The following FBXW8 variants were observed in gnomAD, a reference collection of about 807,000 sequenced individuals.
FBXW8 encodes F-box and WD repeat domain containing 8.
A neutral mutation model predicts 65.3 loss-of-function variants in FBXW8; 57 were observed. The observed-to-expected ratio is 0.87, with a 90% CI of 0.71 to 1.09. The LOEUF is 1.09. Among genes scored for constraint, FBXW8 ranks in the 50% least tolerant of loss-of-function variants. The pLI is 0.00. For missense variants in FBXW8, 777 were observed against 814.8 expected (o/e 0.95, Z 0.57); for synonymous variants, 308 against 330.2 (o/e 0.93, Z 0.73).
chr12:117,011,646 A>G (rs907511140), intron 8 of FBXW8, among the ~76,000 whole-genome samples: 2 of 152,110 alleles, frequency 1.3e-5, no homozygotes, highest in Non-Finnish European at 2.9e-5. Flanking sequence ...TGAGCTATAC[A>G]GAGGCTCCAA....
At position 116,949,699 on chromosome 12, in the gene FBXW8, A is replaced by G. The variant is rs760910615; in HGVS notation, c.670A>G (p.Ile224Val). 26 of 1,614,040 alleles carry G rather than the reference A, an allele frequency of 1.6e-5. No individual in the cohort carries two copies. Among genetic ancestry groups the G allele is most frequent in the Non-Finnish European group, 2.1e-5 (25 of 1,180,016 alleles). The stretch of plus-strand genomic sequence containing the variant: ...TGTGCATTCTCACGATGGTGTGGTC[A>G]TTGCGGGGTAAGCCAAACCGTTTCC... Reference protein sequence around the residue: ...CDVHSHDGVVIAGYTSGDVRV... With the variant: ...CDVHSHDGVVVAGYTSGDVRV... Residue 224 changes from isoleucine (I) to valine (V), a missense_variant, in exon 4 of 11, where the codon ATT (isoleucine) becomes GTT (valine). Ile to Val is a conservative substitution (Grantham distance 29). Coordinates refer to ENST00000652555, the MANE Select transcript of FBXW8 (RefSeq NM_153348.3).
chr12:116,927,138 C>T (rs1002406707), intron 1 of FBXW8, among the ~76,000 whole-genome samples: 1 of 152,246 alleles, frequency 6.6e-6, no homozygotes, highest in Admixed American at 6.5e-5. Flanking sequence ...CCAAAGTGAG[C>T]TTTGGCAGGT....
chr12:116,976,167 T>C lies in FBXW8; in HGVS notation c.836-9039T>C, dbSNP rs75626515. On this transcript the variant is annotated intron_variant, in intron 5 of 10. Coordinates refer to ENST00000652555, the MANE Select transcript of FBXW8 (RefSeq NM_153348.3). ...ATTAAATAAGACTGGATTTTTCCCA[T>C]AGCAATTTAATGCCATTTAAAAACA... Among the ~76,000 whole-genome samples the C allele has an allele frequency of 5.5e-3, 843 of 152,298 alleles. 5 individuals are homozygous for C. The highest frequency in any genetic ancestry group is 0.019 in the African/African-American group (790 of 41,566).
intron 1 of FBXW8, among the ~76,000 whole-genome samples, chr12:116,913,440 T>C (rs558796101): frequency 6.6e-6 from 1 of 152,228 alleles, no homozygotes; most frequent in Non-Finnish European, 1.5e-5. Flanking sequence ...GCCTTATAGA[T>C]AAGTCAGTTA....
rs886350489 is a variant in FBXW8, at chr12:117,016,577, C to T, written c.1367+6127C>T. 9.3e-5 allele frequency among the ~76,000 whole-genome samples: 14 copies of T among 151,298 alleles called. No homozygotes were observed. In the South Asian group the frequency reaches 1.0e-3, roughly 11 times the overall value. On this transcript the variant is annotated intron_variant, in intron 8 of 10. Coordinates refer to ENST00000652555, the MANE Select transcript of FBXW8 (RefSeq NM_153348.3). The stretch of plus-strand genomic sequence containing the variant: ...TCTCCCATTCTGTGGGTTGTCTTTT[C>T]GCTTTCTACATTGTATTCTTTGAAG...
chr12:116,982,769 G>A (rs1378578185), intron 5 of FBXW8, among the ~76,000 whole-genome samples: 1 of 152,100 alleles, frequency 6.6e-6, no homozygotes, highest in Non-Finnish European at 1.5e-5. Flanking sequence ...TGAAAAATGT[G>A]TTTATAGATA....
At position 117,021,497 on chromosome 12, in the gene FBXW8, TTA is replaced by T. The variant is rs1174751753; in HGVS notation, c.1368-2647_1368-2646del. Among the ~76,000 whole-genome samples, 7 of 152,352 alleles carry T rather than the reference TTA, an allele frequency of 4.6e-5. No homozygotes were observed. The South Asian group carries it at 1.2e-3, about 27-fold the overall frequency. ...AAGGTCTTCCTCCTTTGAATATGTT[TTA>T]TAGTTTATGTTTAACTCTTTGCGCT... On this transcript the variant is annotated intron_variant, in intron 8 of 10. Coordinates refer to ENST00000652555, the MANE Select transcript of FBXW8 (RefSeq NM_153348.3).
At chr12:116,919,781 A>T (rs890141773) in intron 1 of FBXW8, among the ~76,000 whole-genome samples, 1 of 152,224 alleles carries the variant, frequency 6.6e-6, no homozygotes, top group Non-Finnish European at 1.5e-5. Flanking sequence ...CATTCAAAGC[A>T]TCCTTCCAGG....
chr12:116,983,762 A>T (rs2135666256), intron 5 of FBXW8, among the ~76,000 whole-genome samples: 1 of 152,388 alleles, frequency 6.6e-6, no homozygotes, highest in East Asian at 1.9e-4. Flanking sequence ...TAGATTAAAT[A>T]TGTTTTATAA....
intron 1 of FBXW8, 64 bp downstream of exon 1, chr12:116,911,419 C>A (rs1243002851): frequency 1.8e-6 from 2 of 1,139,490 alleles, no homozygotes; most frequent in East Asian, 6.4e-5. Flanking sequence ...GGACAAACCC[C>A]TGCAGTGATT....
chr12:116,958,574 G>A (rs1368929204), intron 4 of FBXW8, among the ~76,000 whole-genome samples: 3 of 152,164 alleles, frequency 2.0e-5, no homozygotes, highest in African/African-American at 7.2e-5. Flanking sequence ...TGGTCATGGC[G>A]AGTTTATAGG....
chr12:117,023,505 C>T (rs1312080782), intron 8 of FBXW8, among the ~76,000 whole-genome samples: 1 of 152,056 alleles, frequency 6.6e-6, no homozygotes, highest in Non-Finnish European at 1.5e-5. Flanking sequence ...AAAAATTCCA[C>T]ATACATAAAA....
At chr12:116,986,625 C>G (rs1360842917) in intron 6 of FBXW8, 1 of 123,986 alleles carries the variant, frequency 8.1e-6, no homozygotes, top group Non-Finnish European at 1.7e-5. Context: ...GACTCCGTCT[C>G]AAAAAAAAAA....
chr12:117,007,868 TCG>T (rs1211747828), intron 7 of FBXW8, among the ~76,000 whole-genome samples: 2 of 152,142 alleles, frequency 1.3e-5, no homozygotes, highest in Admixed American at 1.3e-4. Flanking sequence ...GTTAAGGGAC[TCG>T]TAACGTGGAA....
intron 5 of FBXW8, among the ~76,000 whole-genome samples, chr12:116,982,623 ATTTTT>A (rs11288865): frequency 7.0e-6 from 1 of 143,474 alleles, no homozygotes; most frequent in Admixed American, 6.9e-5. Flanking sequence ...GGAGCCCTGG[ATTTTT>A]TTTTTTTTTT....
At chr12:116,918,408 G>A (rs1274513104) in intron 1 of FBXW8, among the ~76,000 whole-genome samples, 1 of 152,102 alleles carries the variant, frequency 6.6e-6, no homozygotes, top group African/African-American at 2.4e-5. Context: ...AACCCAAACT[G>A]GAATCTATTG....
chr12:117,018,377 A>G (rs1238742201), intron 8 of FBXW8, among the ~76,000 whole-genome samples: 1 of 152,216 alleles, frequency 6.6e-6, no homozygotes, highest in African/African-American at 2.4e-5. Context: ...TGTCCCTGGA[A>G]TCGGTTGTCT....
intron 4 of FBXW8, among the ~76,000 whole-genome samples, chr12:116,957,164 T>C (rs1883697962): frequency 6.6e-6 from 1 of 152,016 alleles, no homozygotes; most frequent in African/African-American, 2.4e-5. Flanking sequence ...CTGGCCAACA[T>C]GGCAAAACCC....
chr12:117,012,877 G>GT (rs1266537797), intron 8 of FBXW8, among the ~76,000 whole-genome samples: 3 of 152,010 alleles, frequency 2.0e-5, no homozygotes, highest in African/African-American at 7.2e-5. Context: ...AGACAAAAAT[G>GT]TTTTCATTAA....
Sources: gnomAD v4.1 joint callset for allele counts (sites outside exome capture counted in the v4.1 genomes callset) on GRCh38, gnomAD v4.1.1 for gene constraint, MANE v1.5 for transcripts, NCBI Gene and HGNC (gene_info 2026-07-23, HGNC 2026-07-21) for gene names.